CCDC15: variants seen among roughly 807,000 people sequenced by gnomAD.
CCDC15 encodes coiled-coil domain-containing protein 15.
CCDC15 carries 105 observed loss-of-function variants against 114.5 expected under a neutral mutation model. The ratio of observed to expected loss-of-function variants is 0.92; its 90% CI spans 0.78 to 1.08. The LOEUF (loss-of-function observed/expected upper bound fraction) is 1.08, where lower values mean the gene tolerates loss of function less well. Among genes scored for constraint, CCDC15 ranks in the 50% least tolerant of loss-of-function variants. The probability of loss-of-function intolerance (pLI) is 0.00; values close to 1 mark genes in which losing one functional copy is unlikely to be tolerated. For missense variants in CCDC15, 1,105 were observed against 1,093.6 expected (o/e 1.01, Z -0.15); for synonymous variants, 334 against 377.8 (o/e 0.88, Z 1.34).
chr11:124,986,847 A>C lies in CCDC15; in HGVS notation c.859A>C (p.Ile287Leu). 5 of 1,562,652 alleles carry C rather than the reference A, an allele frequency of 3.2e-6. No homozygotes were observed. Among genetic ancestry groups the C allele is most frequent in the Non-Finnish European group, 4.3e-6 (5 of 1,152,512 alleles). ...FGRGQQDQQA[I>L]HSEDKNKPFS... ...GAGAGGCCAGCAGGACCAGCAGGCT[A>C]TCCATTCTGAAGATAAGAACAAACC... Residue 287 changes from isoleucine to leucine, a missense_variant, in exon 7 of 16, where the codon ATC becomes CTC. Coordinates refer to ENST00000344762, the MANE Select transcript of CCDC15 (RefSeq NM_025004.3).
At chr11:125,038,780 G>A (rs1378530832) in intron 14 of CCDC15, 141 bp from the exon 15 acceptor site, 56 of 1,217,594 alleles carry the variant, frequency 4.6e-5, no homozygotes, top group East Asian at 2.2e-4. Context: ...GTAGCCCTGC[G>A]TTTTTCCCAG....
chr11:124,961,321 C>A (rs566127499), intron 4 of CCDC15, among the ~76,000 whole-genome samples: 2 of 152,202 alleles, frequency 1.3e-5, no homozygotes, highest in East Asian at 1.9e-4. Flanking sequence ...TAAAATAGGA[C>A]CTTCCATGGG....
chr11:124,975,620 T>C (rs755812610), intron 5 of CCDC15, among the ~76,000 whole-genome samples: 1 of 152,022 alleles, frequency 6.6e-6, no homozygotes, highest in Non-Finnish European at 1.5e-5. Context: ...GGGAAGCATA[T>C]AATAAACAAG....
chr11:124,967,966 CTGCAGAACAGCAAATAT>C (rs1947812737), intron 4 of CCDC15, among the ~76,000 whole-genome samples: 5 of 152,294 alleles, frequency 3.3e-5, no homozygotes, highest in African/African-American at 1.2e-4. Flanking sequence ...CCAGTGGAGG[CTGCAGAACAGCAAATAT>C]TGCAGAACAG....
At chr11:125,025,795 C>G (rs1948698370) in intron 13 of CCDC15, among the ~76,000 whole-genome samples, 1 of 151,870 alleles carries the variant, frequency 6.6e-6, no homozygotes, top group Non-Finnish European at 1.5e-5. Context: ...TATGTAGAGT[C>G]TCTGATGGTA....
At chr11:125,033,787 T>G (rs1365335622) in intron 13 of CCDC15, among the ~76,000 whole-genome samples, 1 of 152,196 alleles carries the variant, frequency 6.6e-6, no homozygotes, top group Non-Finnish European at 1.5e-5. Flanking sequence ...AGCTACAACA[T>G]TAAATGTAGA....
chr11:124,983,749 T>G (rs1948110915), intron 6 of CCDC15, among the ~76,000 whole-genome samples: 2 of 152,162 alleles, frequency 1.3e-5, no homozygotes, highest in African/African-American at 4.8e-5. Context: ...GATTCATGCT[T>G]GTTTTTATGT....
At chr11:124,964,774 G>T (rs1947740695) in intron 4 of CCDC15, among the ~76,000 whole-genome samples, 1 of 152,126 alleles carries the variant, frequency 6.6e-6, no homozygotes, top group Admixed American at 6.5e-5. Flanking sequence ...ATTGGCTGTA[G>T]GTTTGTCATA....
At chr11:124,971,387 C>CT (rs1406156068) in intron 4 of CCDC15, among the ~76,000 whole-genome samples, 2 of 152,178 alleles carry the variant, frequency 1.3e-5, no homozygotes, top group Non-Finnish European at 2.9e-5. Flanking sequence ...CAAAGGGTCA[C>CT]AGCTCCTCGC....
At chr11:125,033,810 TA>T (rs1565384467) in intron 13 of CCDC15, among the ~76,000 whole-genome samples, 1 of 152,214 alleles carries the variant, frequency 6.6e-6, no homozygotes, top group Non-Finnish European at 1.5e-5. Context: ...CCCTATTTAG[TA>T]GGCCCAAATC....
chr11:125,011,701 T>TTAAA (rs1283291848), intron 13 of CCDC15, among the ~76,000 whole-genome samples: 4 of 152,206 alleles, frequency 2.6e-5, no homozygotes, highest in Non-Finnish European at 5.9e-5. Flanking sequence ...CCTCTAATAT[T>TTAAA]TGCAGGATTG....
chr11:125,028,049 A>G (rs73022310), intron 13 of CCDC15, among the ~76,000 whole-genome samples: 5,988 of 152,104 alleles, frequency 0.039, 141 homozygotes, highest in Middle Eastern at 0.092. Flanking sequence ...GGCTATATGT[A>G]TTTGACTTTA....
intron 13 of CCDC15, among the ~76,000 whole-genome samples, chr11:125,022,827 A>G (rs1948670575): frequency 6.6e-6 from 1 of 151,908 alleles, no homozygotes; most frequent in Admixed American, 6.6e-5. Flanking sequence ...CATCAGGCCA[A>G]TTCTATTCTA....
At chr11:125,015,678 A>G (rs1249075634) in intron 13 of CCDC15, among the ~76,000 whole-genome samples, 1 of 152,224 alleles carries the variant, frequency 6.6e-6, no homozygotes, top group African/African-American at 2.4e-5. Context: ...AAAAAATAAC[A>G]TAAAGTTTTA....
intron 13 of CCDC15, among the ~76,000 whole-genome samples, chr11:125,033,366 T>C (rs1042599113): frequency 6.6e-6 from 1 of 152,212 alleles, no homozygotes; most frequent in Admixed American, 6.5e-5. Flanking sequence ...CATCTTGCCT[T>C]TGATGGTTGA....
At chr11:124,981,176 T>C (rs1216780158) in intron 6 of CCDC15, among the ~76,000 whole-genome samples, 1 of 152,164 alleles carries the variant, frequency 6.6e-6, no homozygotes, top group African/African-American at 2.4e-5. Context: ...TTGCTGAGGA[T>C]TGTTTTATGG....
At chr11:124,961,245 G>A (rs1481839511) in intron 4 of CCDC15, among the ~76,000 whole-genome samples, 1 of 152,200 alleles carries the variant, frequency 6.6e-6, no homozygotes, top group African/African-American at 2.4e-5. Flanking sequence ...TACAAAAATA[G>A]AACTCATCAG....
intron 6 of CCDC15, among the ~76,000 whole-genome samples, chr11:124,983,055 T>G (rs1948098591): frequency 6.6e-6 from 1 of 152,226 alleles, no homozygotes; most frequent in South Asian, 2.1e-4. Flanking sequence ...CTTTGAGCTC[T>G]GAGGTTCTTT....
chr11:124,983,447 T>C (rs1256332758), intron 6 of CCDC15, among the ~76,000 whole-genome samples: 1 of 152,088 alleles, frequency 6.6e-6, no homozygotes, highest in Non-Finnish European at 1.5e-5. Flanking sequence ...TGCTATCCTT[T>C]GGATTTTTTT....
Sources: gnomAD v4.1 joint callset for allele counts (sites outside exome capture counted in the v4.1 genomes callset) on GRCh38, gnomAD v4.1.1 for gene constraint, MANE v1.5 for transcripts, NCBI Gene and HGNC (gene_info 2026-07-23, HGNC 2026-07-21) for gene names.